PTPRD: variants seen among roughly 807,000 people sequenced by gnomAD.
PTPRD encodes protein tyrosine phosphatase receptor type D.
In PTPRD, 34 loss-of-function variants were observed where a neutral mutation model predicts 214.5. That is an observed-to-expected ratio of 0.16 (90% CI 0.12 to 0.21). The LOEUF (loss-of-function observed/expected upper bound fraction) is 0.21, where lower values mean the gene tolerates loss of function less well. PTPRD is among the 10% of genes least tolerant of loss of function. PTPRD has a pLI of 1.00. For synonymous variants in PTPRD, 1,128 were observed against 845.7 expected, an observed-to-expected ratio of 1.33 and a Z score of -5.79; for missense variants, 2,545 against 2,398.7, an observed-to-expected ratio of 1.06 and a Z score of -1.27.
intron 3 of PTPRD, among the ~76,000 whole-genome samples, chr9:10,237,291 A>G (rs972710976): frequency 6.6e-6 from 1 of 151,970 alleles, no homozygotes; most frequent in Non-Finnish European, 1.5e-5. Context: ...TTTTAAACAT[A>G]GAACTCCAGA....
intron 7 of PTPRD, among the ~76,000 whole-genome samples, chr9:9,597,151 G>C (rs940968780): frequency 1.3e-5 from 2 of 152,014 alleles, no homozygotes; most frequent in Non-Finnish European, 2.9e-5. Context: ...CACTGTGGAA[G>C]CAGGCTGAGG....
chr9:8,913,315 G>T (rs759720396), intron 11 of PTPRD, among the ~76,000 whole-genome samples: 1 of 152,026 alleles, frequency 6.6e-6, no homozygotes. Flanking sequence ...CCTTGCCTTT[G>T]GAGTTACTAT....
At chr9:8,484,472 T>C in intron 29 of PTPRD, 94 bp from the exon 30 acceptor site, 2 of 1,252,786 alleles carry the variant, frequency 1.6e-6, no homozygotes, top group Non-Finnish European at 1.1e-6. Context: ...GGAAAATGTA[T>C]ATATAGTCAA....
chr9:8,435,918 T>C (rs1235349946), intron 35 of PTPRD, among the ~76,000 whole-genome samples: 3 of 152,206 alleles, frequency 2.0e-5, no homozygotes, highest in Non-Finnish European at 4.4e-5. Flanking sequence ...GATAAGATAA[T>C]ATACACATAC....
chr9:10,293,348 T>G lies in PTPRD; in HGVS notation c.-545+47615A>C, dbSNP rs369357141. 2.4e-3 allele frequency among the ~76,000 whole-genome samples: 367 copies of G among 152,078 alleles called. 2 individuals carry two copies. The South Asian group carries it at 0.027, about 11-fold the overall frequency. ...ATGCAGTTTTTTCTCTGTATATCAA[T>G]TTAAAAACAGACACACACATTAGAA... On this transcript the variant is annotated intron_variant, in intron 3 of 45. Transcript: ENST00000381196.
intron 12 of PTPRD, among the ~76,000 whole-genome samples, chr9:8,668,437 T>C (rs2097211932): frequency 6.6e-6 from 1 of 152,216 alleles, no homozygotes; most frequent in Non-Finnish European, 1.5e-5. Context: ...CAGTTTTCCA[T>C]GTGCTTCCTC....
chr9:9,378,983 G>C (rs1190982844), intron 9 of PTPRD, among the ~76,000 whole-genome samples: 1 of 144,150 alleles, frequency 6.9e-6, no homozygotes, highest in East Asian at 2.0e-4. Flanking sequence ...CATTGTATTT[G>C]AAAATCAGAA....
chr9:9,853,613 A>C (rs990749198), intron 5 of PTPRD, among the ~76,000 whole-genome samples: 2 of 151,724 alleles, frequency 1.3e-5, no homozygotes, highest in African/African-American at 4.8e-5. Context: ...CGGTGGTACT[A>C]TCTCAGGTCG....
At chr9:9,985,891 T>C (rs1008574324) in intron 4 of PTPRD, among the ~76,000 whole-genome samples, 1 of 152,156 alleles carries the variant, frequency 6.6e-6, no homozygotes, top group African/African-American at 2.4e-5. Context: ...AACAAGGAAA[T>C]AATTGTTTCT....
chr9:8,801,146 G>A (rs1453727031), intron 11 of PTPRD, among the ~76,000 whole-genome samples: 1 of 152,124 alleles, frequency 6.6e-6, no homozygotes, highest in Admixed American at 6.5e-5. Context: ...TCATGATGAT[G>A]GTAGTTCAGG....
At position 8,414,930 on chromosome 9, in the gene PTPRD, G is replaced by GGAGAGAGAGA. The variant is rs58529453; in HGVS notation, c.4087-10280_4087-10271dup. Among the ~76,000 whole-genome samples, 110 of 49,238 alleles carry GGAGAGAGAGA rather than the reference G, an allele frequency of 2.2e-3. 2 individuals are homozygous for GGAGAGAGAGA. The highest frequency in any genetic ancestry group is 2.8e-3 in the Non-Finnish European group (76 of 26,740). The allele number at this position is 49,238 out of a possible 152,430, so 32.3% of individuals were successfully genotyped here. A position where few individuals can be genotyped will look rare whatever the true frequency, so the allele number is the denominator to read the frequency against. ...GAGGGAGGGGGAGAGAGAGGGAGGG[G>GGAGAGAGAGA]GAGAGAGAGAGAGAGAGAGAGAGAG... On this transcript the variant is annotated intron_variant, in intron 35 of 45. Transcript: ENST00000381196.
At chr9:9,308,515 T>C (rs1291589171) in intron 9 of PTPRD, among the ~76,000 whole-genome samples, 1 of 152,180 alleles carries the variant, frequency 6.6e-6, no homozygotes, top group East Asian at 1.9e-4. Context: ...AGATGAACTT[T>C]GTACTGAGAT....
intron 3 of PTPRD, among the ~76,000 whole-genome samples, chr9:10,304,561 A>G (rs2095991055): frequency 6.6e-6 from 1 of 152,168 alleles, no homozygotes; most frequent in Admixed American, 6.6e-5. Context: ...AACTTCAGCA[A>G]AGTCTCAGGA....
chr9:9,894,339 C>T (rs2074331268), intron 5 of PTPRD, among the ~76,000 whole-genome samples: 1 of 152,014 alleles, frequency 6.6e-6, no homozygotes, highest in African/African-American at 2.4e-5. Context: ...TTAAGAACAA[C>T]ATTCTTTAAA....
rs2096754389 is a variant in PTPRD, at chr9:9,513,325, T to G, written c.-237+61407A>C. ...ACAGTTCATGCTAATATCTTTGCCC[T>G]TCTTTTTATTCCATGTGTTGCTAAA... On this transcript the variant is annotated intron_variant, in intron 8 of 45. Coordinates refer to ENST00000381196, the MANE Select transcript of PTPRD (RefSeq NM_002839.4). 2.0e-5 allele frequency among the ~76,000 whole-genome samples: 3 copies of G among 152,148 alleles called. No homozygotes were observed. The South Asian group carries it at 6.2e-4, about 32-fold the overall frequency.
At chr9:9,582,050 T>C (rs1387032854) in intron 7 of PTPRD, among the ~76,000 whole-genome samples, 1 of 152,172 alleles carries the variant, frequency 6.6e-6, no homozygotes, top group Non-Finnish European at 1.5e-5. Context: ...CTTCCGGGAT[T>C]TTTCTTTTGG....
At chr9:9,182,062 A>G (rs1441287099) in intron 10 of PTPRD, among the ~76,000 whole-genome samples, 3 of 152,070 alleles carry the variant, frequency 2.0e-5, no homozygotes, top group Admixed American at 6.6e-5. Flanking sequence ...GGGGGTATCC[A>G]AGAAAGCTTT....
At chr9:10,091,192 G>A (rs1397417192) in intron 3 of PTPRD, among the ~76,000 whole-genome samples, 1 of 151,442 alleles carries the variant, frequency 6.6e-6, no homozygotes, top group South Asian at 2.1e-4. Flanking sequence ...AGGTATTCAA[G>A]TACTAGTATT....
intron 10 of PTPRD, among the ~76,000 whole-genome samples, chr9:9,089,122 AGT>A (rs369386116): frequency 6.6e-6 from 1 of 151,942 alleles, no homozygotes; most frequent in African/African-American, 2.4e-5. Context: ...GCTGTGTTTA[AGT>A]GTGTGTGTGT....
Sources: allele counts gnomAD v4.1 joint callset (sites outside exome capture counted in the v4.1 genomes callset), GRCh38; gene constraint gnomAD v4.1.1; transcripts MANE v1.5; gene names NCBI Gene and HGNC (gene_info 2026-07-23, HGNC 2026-07-21).